ENTPD7: variants seen among roughly 807,000 people sequenced by gnomAD.
The protein encoded by ENTPD7 is NTPDase 7.
A neutral mutation model predicts 77.9 loss-of-function variants in ENTPD7; 53 were observed. The observed-to-expected ratio is 0.68, with a 90% confidence interval of 0.55 to 0.85. The LOEUF is 0.85. ENTPD7 is among the 40% of genes least tolerant of loss of function. ENTPD7 has a pLI of 0.00. For synonymous variants in ENTPD7, 248 were observed against 274.9 expected (o/e 0.90, Z 0.97); for missense variants, 636 against 743.7 (o/e 0.86, Z 1.68).
rs545738955 is a variant in ENTPD7 at position 99,710,553 on chromosome 10, T to C, written c.*5870T>C. The C allele has an allele frequency of 6.1e-6, 6 of 985,460 alleles. No individual in the cohort carries two copies. Among genetic ancestry groups the C allele is most frequent in the East Asian group, 1.1e-4 (1 of 8,824 alleles). 61.0% of individuals were successfully genotyped at this position (985,460 alleles called of 1,614,324 possible). Reference sequence around the variant, plus strand: ...CATTAAACAATAATTTTGTTGAATTTTGAATTCTTAAAATTCTCACTGACA... The same window carrying C: ...CATTAAACAATAATTTTGTTGAATTCTGAATTCTTAAAATTCTCACTGACA... On this transcript the variant is annotated 3_prime_UTR_variant, in exon 13 of 13. Transcript: ENST00000370489.
chr10:99,695,659 GA>G (rs755730589), intron 8 of ENTPD7, among the ~76,000 whole-genome samples: 52 of 152,182 alleles, frequency 3.4e-4, no homozygotes, highest in Non-Finnish European at 6.2e-4. Context: ...GGAAAATACA[GA>G]AAAATACATG....
intron 3 of ENTPD7, among the ~76,000 whole-genome samples, chr10:99,678,047 A>G (rs2035706736): frequency 6.6e-6 from 1 of 151,890 alleles, no homozygotes; most frequent in South Asian, 2.1e-4. Context: ...CCTAGGGGCC[A>G]AGAATTATTA....
Position 99,710,680 on chromosome 10 carries a change from T to C in ENTPD7, c.*5997T>C. The C allele has an allele frequency of 1.0e-6, 1 of 985,450 alleles. No individual in the cohort carries two copies. The highest frequency in any genetic ancestry group is 1.2e-6 in the Non-Finnish European group (1 of 829,930). The allele number at this position is 985,450 out of a possible 1,614,324, so 61.0% of individuals were successfully genotyped here. On this transcript the variant is annotated 3_prime_UTR_variant, in exon 13 of 13. Coordinates refer to ENST00000370489, the MANE Select transcript of ENTPD7 (RefSeq NM_020354.5). ...TGGGTATATGTGTTACATATGCTGA[T>C]ATATAACCCACCATTCATCCCAGGA...
rs2035453128 is a variant in ENTPD7 at position 99,659,778 on chromosome 10, G to A, written c.-95-84G>A. On this transcript the variant is annotated intron_variant, in intron 1 of 12. Coordinates refer to ENST00000370489, the MANE Select transcript of ENTPD7 (RefSeq NM_020354.5). This position sits in a 1 kb window ranked among gnomAD's most constrained non-coding sequence, Gnocchi z 4.1. ...CAGAGCAGACGGAGCGGGAGCCTGGGGAGGAGGTGGGAGCCGTGGAATTCC... is the reference window on the plus strand; with the variant it reads ...CAGAGCAGACGGAGCGGGAGCCTGGAGAGGAGGTGGGAGCCGTGGAATTCC... 3.9e-6 allele frequency: 3 copies of A among 765,358 alleles called. No individual in the cohort carries two copies. Among genetic ancestry groups the A allele is most frequent in the Admixed American group, 2.8e-5 (1 of 35,972 alleles). The allele number at this position is 765,358 out of a possible 1,614,324, so 47.4% of individuals were successfully genotyped here. A position where few individuals can be genotyped will look rare whatever the true frequency, so the allele number is the denominator to read the frequency against.
intron 3 of ENTPD7, among the ~76,000 whole-genome samples, chr10:99,678,694 T>C (rs1376273130): frequency 6.7e-6 from 1 of 148,616 alleles, no homozygotes; most frequent in African/African-American, 2.5e-5. Flanking sequence ...GGAGAATTGG[T>C]TGAATTTGGG....
At chr10:99,698,412 G>A (rs1207572661) in intron 9 of ENTPD7, 122 bp from the exon 10 acceptor site, 12 of 960,226 alleles carry the variant, frequency 1.2e-5, no homozygotes, top group Admixed American at 5.8e-5. Context: ...CTCCATCCTC[G>A]TTTCTAGAGA....
chr10:99,695,680 G>A (rs1014663300), intron 8 of ENTPD7, among the ~76,000 whole-genome samples: 1 of 152,146 alleles, frequency 6.6e-6, no homozygotes, highest in African/African-American at 2.4e-5. Context: ...GTGAGAAAAT[G>A]ATATCTGTAG....
intron 12 of ENTPD7, among the ~76,000 whole-genome samples, chr10:99,703,246 T>C (rs888768537): frequency 1.3e-4 from 4 of 30,362 alleles, no homozygotes; most frequent in Non-Finnish European, 2.6e-4. Flanking sequence ...AATTTTTAGG[T>C]ACCTGTACCC....
At chr10:99,667,760 G>C (rs1253961963) in intron 3 of ENTPD7, among the ~76,000 whole-genome samples, 1 of 152,108 alleles carries the variant, frequency 6.6e-6, no homozygotes, top group Non-Finnish European at 1.5e-5. Context: ...ACAATAATCA[G>C]TTATATCTGG....
Position 99,702,551 on chromosome 10 carries a change from A to G in ENTPD7, c.1461A>G (p.Leu487=). 6.2e-7 allele frequency: 1 copy of G among 1,608,876 alleles called. No homozygotes were observed. Among genetic ancestry groups the G allele is most frequent in the Non-Finnish European group, 8.5e-7 (1 of 1,177,586 alleles). The change falls in exon 12 of 13, where the codon TTA becomes TTG. Residue 487 remains leucine, a synonymous_variant. Transcript: ENST00000370489. ...AATCGGCTTGGATGTACCAAGTCTT[A>G]CATGAAGGATTCCACTTTCCCTATG... ...CFKSAWMYQV[L]HEGFHFPYDY... is the part of the protein sequence containing the mutation.
In ENTPD7 at chr10:99,706,067, C is replaced by G. The variant is rs11190251; in HGVS notation, c.*1384C>G. 3.2e-3 allele frequency: 491 copies of G among 152,182 alleles called. 3 individuals are homozygous for G. Among genetic ancestry groups the G allele is most frequent in the African/African-American group, 0.011 (469 of 41,520 alleles). The allele number at this position is 152,182 out of a possible 1,614,324, so 9.4% of individuals were successfully genotyped here. A position where few individuals can be genotyped will look rare whatever the true frequency, so the allele number is the denominator to read the frequency against. On this transcript the variant is annotated 3_prime_UTR_variant, in exon 13 of 13. Coordinates refer to ENST00000370489, the MANE Select transcript of ENTPD7 (RefSeq NM_020354.5). The stretch of plus-strand genomic sequence containing the variant: ...GGAGCATTTTCTTTTCTTTTCGTCA[C>G]CTTTGATTTTTGGGATTAGATTAAT...
intron 5 of ENTPD7, among the ~76,000 whole-genome samples, chr10:99,680,867 A>C (rs566021696): frequency 6.6e-6 from 1 of 152,278 alleles, no homozygotes; most frequent in East Asian, 1.9e-4. Flanking sequence ...GTCAGCTACC[A>C]TGTCTGGCCC....
Position 99,659,994 on chromosome 10 carries a change from G to A in ENTPD7, c.8+30G>A, listed in dbSNP as rs773604356. ...GGCTGCACACTTTCCCTCCGGCTGG[G>A]AGCACGGCAGAGGATGGCAGGCAGG... On this transcript the variant is annotated intron_variant, in intron 2 of 12. Transcript: ENST00000370489. This position sits in a 1 kb window ranked among gnomAD's most constrained non-coding sequence, Gnocchi z 4.1. 5.6e-6 allele frequency: 9 copies of A among 1,613,588 alleles called. No homozygotes were observed. In the African/African-American group the frequency reaches 8.0e-5, roughly 14 times the overall value.
chr10:99,710,275 C>A lies in ENTPD7; in HGVS notation c.*5592C>A. Reference sequence around the variant, plus strand: ...AATGTTTTTCTGCAAGCAGGGATCCCAGACACATACTTTGGTTTCTAGTGT... The same window carrying A: ...AATGTTTTTCTGCAAGCAGGGATCCAAGACACATACTTTGGTTTCTAGTGT... On this transcript the variant is annotated 3_prime_UTR_variant, in exon 13 of 13. Transcript: ENST00000370489. 1.0e-6 allele frequency: 1 copy of A among 985,400 alleles called. No individual in the cohort carries two copies. The highest frequency in any genetic ancestry group is 1.2e-6 in the Non-Finnish European group (1 of 829,928). 61.0% of individuals were successfully genotyped at this position (985,400 alleles called of 1,614,324 possible). A position where few individuals can be genotyped will look rare whatever the true frequency, so the allele number is the denominator to read the frequency against.
Position 99,672,599 on chromosome 10 carries a change from C to G in ENTPD7, c.192-6662C>G, listed in dbSNP as rs540745603. Among the ~76,000 whole-genome samples, 10 of 152,284 alleles carry G rather than the reference C, an allele frequency of 6.6e-5. No homozygotes were observed. In the East Asian group the frequency reaches 1.9e-3, roughly 29 times the overall value. ...GGCTTATAGCCATGAGCCACCACAC[C>G]CAGCCCATTTATTTGATCTTAATGG... On this transcript the variant is annotated intron_variant, in intron 3 of 12. Coordinates refer to ENST00000370489, the MANE Select transcript of ENTPD7 (RefSeq NM_020354.5).
At chr10:99,669,775 A>C (rs987614164) in intron 3 of ENTPD7, among the ~76,000 whole-genome samples, 3 of 109,370 alleles carry the variant, frequency 2.7e-5, no homozygotes, top group African/African-American at 3.7e-5. Context: ...TTTGAGACAG[A>C]GTCTTGCTCT....
rs771688951 is a variant in ENTPD7 at position 99,679,840 on chromosome 10, C to T, written c.513C>T (p.Ile171=). The T allele has an allele frequency of 6.2e-7, 1 of 1,614,124 alleles. No homozygotes were observed. Among genetic ancestry groups the T allele is most frequent in the Non-Finnish European group, 8.5e-7 (1 of 1,180,018 alleles). ...VKKHKETPLY[I]LCTAGMRLLP... The stretch of plus-strand genomic sequence containing the variant: ...AGCACAAGGAGACCCCTCTTTACAT[C>T]CTCTGCACAGCAGGCATGAGGCTTC... The change falls in exon 5 of 13, where the codon ATC becomes ATT. Residue 171 remains isoleucine (I), a synonymous_variant. Transcript: ENST00000370489.
intron 10 of ENTPD7, among the ~76,000 whole-genome samples, chr10:99,699,864 C>G (rs116543822): frequency 0.014 from 2,160 of 152,012 alleles, 61 homozygotes; most frequent in African/African-American, 0.049. Flanking sequence ...CCGTACCCAG[C>G]CTCTCCTCAT....
rs746457576 is a variant in ENTPD7, at chr10:99,696,074, G to A, written c.962G>A (p.Arg321Gln). The change falls in exon 9 of 13, where the codon CGG (arginine) becomes CAG (glutamine). Residue 321 changes from arginine to glutamine, a missense_variant. Arg to Gln is a conservative substitution (Grantham distance 43, BLOSUM62 1). This residue lies in a region of ENTPD7 where 486 missense variants were observed against 556.5 expected (regional missense o/e 0.87). Coordinates refer to ENST00000370489, the MANE Select transcript of ENTPD7 (RefSeq NM_020354.5). The stretch of plus-strand genomic sequence containing the variant: ...CTGGGTTTCGGAGGCAACTTTGCCC[G>A]GCAGCGCTACGAAGACCTTGTTCTG... ...TFLGFGGNFA[R>Q]QRYEDLVLNE... 3.0e-5 allele frequency: 49 copies of A among 1,614,176 alleles called. No homozygotes were observed. The highest frequency in any genetic ancestry group is 2.7e-4 in the East Asian group (12 of 44,884).
Sources: gnomAD v4.1 joint callset for allele counts (sites outside exome capture counted in the v4.1 genomes callset) on GRCh38, gnomAD v4.1.1 for gene constraint, gnomAD v4.1.1 regional missense constraint, Gnocchi (gnomAD v3.1) non-coding constraint, MANE v1.5 for transcripts, NCBI Gene and HGNC (gene_info 2026-07-23, HGNC 2026-07-21) for gene names.